ABCA13: variants seen among roughly 807,000 people sequenced by gnomAD.
ABCA13 encodes ATP binding cassette subfamily A member 13.
ABCA13 carries 476 observed loss-of-function variants against 478.7 expected under a neutral mutation model. The ratio of observed to expected loss-of-function variants is 0.99; its 90% confidence interval spans 0.92 to 1.07. ABCA13 has a LOEUF of 1.07. Among genes scored for constraint, ABCA13 ranks in the 50% least tolerant of loss-of-function variants. The probability of loss-of-function intolerance (pLI) is 0.00; values close to 1 mark genes in which losing one functional copy is unlikely to be tolerated. For missense variants in ABCA13, 6,060 were observed against 5,910.6 expected (o/e 1.03, Z -0.83); for synonymous variants, 2,252 against 2,158.9 (o/e 1.04, Z -1.20).
intron 5 of ABCA13, among the ~76,000 whole-genome samples, chr7:48,225,391 GTATACT>G (rs1000878293): frequency 2.0e-5 from 3 of 152,002 alleles, no homozygotes; most frequent in Non-Finnish European, 2.9e-5. Flanking sequence ...GTACTTCACT[GTATACT>G]TCTGAAAAAC....
intron 39 of ABCA13, among the ~76,000 whole-genome samples, chr7:48,405,743 T>G (rs928815436): frequency 1.3e-5 from 2 of 152,224 alleles, no homozygotes; most frequent in African/African-American, 2.4e-5. Flanking sequence ...ACAAAGGTTA[T>G]TTTAGACAGA....
intron 27 of ABCA13, among the ~76,000 whole-genome samples, chr7:48,326,107 T>C (rs1446299173): frequency 6.6e-6 from 1 of 152,180 alleles, no homozygotes; most frequent in East Asian, 1.9e-4. Flanking sequence ...GTGCTGCTGG[T>C]TATGCGCATT....
In ABCA13 at chr7:48,389,184, T is replaced by C; in HGVS notation, c.11618T>C (p.Leu3873Pro). The change falls in exon 37 of 62, where the codon CTG becomes CCG. Residue 3873 changes from leucine (L) to proline (P), a missense_variant. Leu to Pro is a moderately conservative substitution (Grantham distance 98, BLOSUM62 -3). This residue lies in a region of ABCA13 where 1,627 missense variants were observed against 1,571.0 expected (regional missense o/e 1.04). Coordinates refer to ENST00000435803, the MANE Select transcript of ABCA13 (RefSeq NM_152701.5). ...TTCTACAGAGACCAAATCACCGCCC[T>C]GCTGGGGACAAACGGTGCCGGGAAA... ...LTFYRDQITALLGTNGAGKTT... is the reference protein window; with the variant it reads ...LTFYRDQITAPLGTNGAGKTT... 1.2e-6 allele frequency: 2 copies of C among 1,613,842 alleles called. No homozygotes were observed. The highest frequency in any genetic ancestry group is 1.7e-6 in the Non-Finnish European group (2 of 1,179,792).
At position 48,357,494 on chromosome 7, in the gene ABCA13, A is replaced by T. The variant is rs139280712; in HGVS notation, c.10688+5007A>T. 3.8e-4 allele frequency among the ~76,000 whole-genome samples: 58 copies of T among 152,150 alleles called. 1 individual carries two copies. The highest frequency in any genetic ancestry group is 1.4e-3 in the African/African-American group (56 of 41,416). On this transcript the variant is annotated intron_variant, in intron 31 of 61. Coordinates refer to ENST00000435803, the MANE Select transcript of ABCA13 (RefSeq NM_152701.5). ...ACAATTCTTCACTTTCTCAAGCCCC[A>T]CACAGCTCTTACAAACTTATCTCCT... is the stretch of plus-strand genomic sequence containing the variant.
intron 41 of ABCA13, among the ~76,000 whole-genome samples, chr7:48,417,482 AT>A (rs1434168028): frequency 6.6e-6 from 1 of 152,190 alleles, no homozygotes; most frequent in African/African-American, 2.4e-5. Context: ...ATCTGGACAA[AT>A]CACTTAGACT....
chr7:48,552,554 C>T (rs187247981), intron 55 of ABCA13, among the ~76,000 whole-genome samples: 3 of 147,728 alleles, frequency 2.0e-5, no homozygotes, highest in African/African-American at 7.4e-5. Flanking sequence ...CTTTGTACTT[C>T]CTTTGTATTG....
intron 31 of ABCA13, among the ~76,000 whole-genome samples, chr7:48,356,371 T>G (rs1020162403): frequency 6.6e-6 from 1 of 151,634 alleles, no homozygotes; most frequent in African/African-American, 2.4e-5. Context: ...CTTCTTCTTC[T>G]TCTTTTGGAA....
Position 48,478,948 on chromosome 7 carries a change from CTTT to C in ABCA13, c.12976-2073_12976-2071del, listed in dbSNP as rs71227263. 3.0e-4 allele frequency among the ~76,000 whole-genome samples: 40 copies of C among 134,552 alleles called. 1 individual carries two copies. The highest frequency in any genetic ancestry group is 4.8e-4 in the South Asian group (2 of 4,158). The allele number at this position is 134,552 out of a possible 152,430, so 88.3% of individuals were successfully genotyped here. A position where few individuals can be genotyped will look rare whatever the true frequency, so the allele number is the denominator to read the frequency against. Reference sequence around the variant, plus strand: ...GTGTTGAGGATACTTAAAATCTACTCTTTTTTTTTTTTTTTTTGAGATGTAGTC... The same window carrying C: ...GTGTTGAGGATACTTAAAATCTACTCTTTTTTTTTTTTTTGAGATGTAGTC... On this transcript the variant is annotated intron_variant, in intron 45 of 61. Transcript: ENST00000435803.
chr7:48,190,473 A>G (rs1436965688), intron 1 of ABCA13, among the ~76,000 whole-genome samples: 1 of 152,192 alleles, frequency 6.6e-6, no homozygotes, highest in East Asian at 1.9e-4. Context: ...AAACTGTTGC[A>G]AATTTGAGCA....
chr7:48,373,143 C>T (rs1388108842), intron 33 of ABCA13, among the ~76,000 whole-genome samples: 3 of 152,150 alleles, frequency 2.0e-5, no homozygotes, highest in African/African-American at 7.2e-5. Flanking sequence ...GCACTGTGCT[C>T]AAGACTTTAT....
chr7:48,538,605 C>T (rs1833755012), intron 55 of ABCA13, among the ~76,000 whole-genome samples: 1 of 152,096 alleles, frequency 6.6e-6, no homozygotes, highest in African/African-American at 2.4e-5. Flanking sequence ...CTCTTATTTG[C>T]ATCTTTTTTG....
chr7:48,411,241 C>T (rs569158678), intron 40 of ABCA13, among the ~76,000 whole-genome samples: 28 of 115,722 alleles, frequency 2.4e-4, no homozygotes, highest in African/African-American at 8.4e-4. Flanking sequence ...TTCTTTCTTT[C>T]TCTTTCTGTT....
intron 55 of ABCA13, among the ~76,000 whole-genome samples, chr7:48,547,929 G>T (rs866523672): frequency 1.2e-4 from 18 of 151,938 alleles, no homozygotes; most frequent in South Asian, 6.2e-4. Context: ...TTATTGGGAT[G>T]TAACCCCATC....
intron 23 of ABCA13, among the ~76,000 whole-genome samples, chr7:48,300,504 T>A (rs1438430400): frequency 6.6e-6 from 1 of 152,110 alleles, no homozygotes; most frequent in Non-Finnish European, 1.5e-5. Context: ...GGACAGGTGG[T>A]CCCTGGAAGC....
At chr7:48,315,519 G>A (rs1047664098) in intron 26 of ABCA13, among the ~76,000 whole-genome samples, 6 of 148,044 alleles carry the variant, frequency 4.1e-5, no homozygotes, top group African/African-American at 1.5e-4. Context: ...TTGCCCTATC[G>A]CCCAGGCTGG....
chr7:48,471,934 A>G (rs920854704), intron 45 of ABCA13, among the ~76,000 whole-genome samples: 1 of 152,210 alleles, frequency 6.6e-6, no homozygotes, highest in Non-Finnish European at 1.5e-5. Flanking sequence ...ATTTCAAGGC[A>G]GCATGACCTC....
chr7:48,367,946 G>C (rs747082702), intron 32 of ABCA13, 38 bp downstream of exon 32: 2 of 1,484,020 alleles, frequency 1.3e-6, no homozygotes, highest in Non-Finnish European at 1.8e-6. Flanking sequence ...GACAAAGATA[G>C]GGAGGCTGGG....
rs559218044 is a variant in ABCA13, at chr7:48,280,611, GTCTCTGTTTCTCCCTGCTTTCC to G, written c.8726+698_8727-704del. Among the ~76,000 whole-genome samples the G allele has an allele frequency of 9.0e-3, 1,374 of 152,234 alleles. 12 individuals carry two copies. Among genetic ancestry groups the G allele is most frequent in the Admixed American group, 0.019 (297 of 15,286 alleles). On this transcript the variant is annotated intron_variant, in intron 18 of 61. Transcript: ENST00000435803. ...GAAAATACTGTTAGGGTGGTCCCTG[GTCTCTGTTTCTCCCTGCTTTCC>G]TCTCTGGCCCACATGGAGATTGGAG...
At chr7:48,614,304 A>G (rs570521131) in intron 58 of ABCA13, among the ~76,000 whole-genome samples, 2 of 151,336 alleles carry the variant, frequency 1.3e-5, no homozygotes, top group East Asian at 1.9e-4. Context: ...CTTCTCTCCT[A>G]TATATTTTAT....
Sources: gnomAD v4.1 joint callset for allele counts (sites outside exome capture counted in the v4.1 genomes callset) on GRCh38, gnomAD v4.1.1 for gene constraint, gnomAD v4.1.1 regional missense constraint, MANE v1.5 for transcripts, NCBI Gene and HGNC (gene_info 2026-07-23, HGNC 2026-07-21) for gene names.